The following GAPVD1 variants were observed in gnomAD, a reference collection of about 807,000 sequenced individuals.
GAPVD1 encodes the protein GTPase activating protein and VPS9 domains 1, also known as GTPase-activating protein and VPS9 domain-containing protein 1.
Under a neutral mutation model 155.5 loss-of-function variants are expected in GAPVD1, and 35 were observed. The observed-to-expected ratio is 0.23, with a 90% CI of 0.17 to 0.30. GAPVD1 has a LOEUF of 0.30. Ranked by LOEUF, GAPVD1 falls within the 10% of genes least tolerant of loss-of-function variation. The pLI is 1.00. For synonymous variants in GAPVD1, 636 were observed against 619.7 expected, an observed-to-expected ratio of 1.03 and a Z score of -0.39; for missense variants, 1,429 against 1,775.7, an observed-to-expected ratio of 0.80 and a Z score of 3.51.
chr9:125,301,529 A>G (rs1237718051), intron 4 of GAPVD1, among the ~76,000 whole-genome samples: 1 of 151,112 alleles, frequency 6.6e-6, no homozygotes, highest in Admixed American at 6.6e-5. Context: ...GCTCACTGCA[A>G]CCTCTACCTT....
chr9:125,320,245 T>C lies in GAPVD1; in HGVS notation c.1603-1188T>C, dbSNP rs552959883. ...AGTCCAAGGTGTACCTAAAACATGC[T>C]ATGTGACTTTCAACAAAGCACTTAA... On this transcript the variant is annotated intron_variant, in intron 9 of 27. Coordinates refer to ENST00000297933, the MANE Select transcript of GAPVD1 (RefSeq NM_001282680.3). 1.6e-3 allele frequency among the ~76,000 whole-genome samples: 247 copies of C among 152,342 alleles called. 1 individual carries two copies. Among genetic ancestry groups the C allele is most frequent in the African/African-American group, 5.7e-3 (239 of 41,580 alleles).
Position 125,362,849 on chromosome 9 carries a change from A to G in GAPVD1, c.*103A>G, listed in dbSNP as rs1851131395. Reference sequence around the variant, plus strand: ...AAGGCTGAAGATTGTTTTGTATGATACTGCACAGCATCAGGCATTTTAAAG... The same window carrying G: ...AAGGCTGAAGATTGTTTTGTATGATGCTGCACAGCATCAGGCATTTTAAAG... On this transcript the variant is annotated 3_prime_UTR_variant, in exon 28 of 28. Transcript: ENST00000297933. 8.4e-6 allele frequency: 8 copies of G among 957,944 alleles called. No individual in the cohort carries two copies. The highest frequency in any genetic ancestry group is 1.6e-5 in the African/African-American group (1 of 61,180). The allele number at this position is 957,944 out of a possible 1,614,324, so 59.3% of individuals were successfully genotyped here. A position where few individuals can be genotyped will look rare whatever the true frequency, so the allele number is the denominator to read the frequency against.
intron 2 of GAPVD1, among the ~76,000 whole-genome samples, chr9:125,272,849 G>A (rs1416343127): frequency 6.6e-6 from 1 of 152,134 alleles, no homozygotes; most frequent in Non-Finnish European, 1.5e-5. Context: ...AATTTTGAGG[G>A]TGGACTCTTG....
intron 3 of GAPVD1, among the ~76,000 whole-genome samples, chr9:125,296,489 G>A (rs1288580257): frequency 6.7e-6 from 1 of 149,772 alleles, no homozygotes; most frequent in Non-Finnish European, 1.5e-5. Context: ...TGAGTAACTG[G>A]GATTACAGGC....
intron 8 of GAPVD1, among the ~76,000 whole-genome samples, chr9:125,309,550 G>A (rs1842350540): frequency 6.6e-6 from 1 of 152,120 alleles, no homozygotes; most frequent in African/African-American, 2.4e-5. Flanking sequence ...GGCCAGGCTG[G>A]TCTTGAACTC....
Position 125,326,605 on chromosome 9 carries a change from T to A in GAPVD1, c.2032+16T>A. ...GAAATTGCAGGTAACTGCCATTTAA[T>A]GTCTCTGAAATATCACGGTTTAGTT... On this transcript the variant is annotated intron_variant, in intron 12 of 27. Coordinates refer to ENST00000297933, the MANE Select transcript of GAPVD1 (RefSeq NM_001282680.3). The A allele has an allele frequency of 6.3e-7, 1 of 1,580,468 alleles. No individual in the cohort carries two copies. The highest frequency in any genetic ancestry group is 8.7e-7 in the Non-Finnish European group (1 of 1,149,948).
In GAPVD1 at chr9:125,328,615, G is replaced by C. The variant is rs1207897274; in HGVS notation, c.2033-1463G>C. Reference sequence around the variant, plus strand: ...ATGTCTACTTCTTTCTACACAGACAGGGCAACCATCCGATTTCTCAATCTT... The same window carrying C: ...ATGTCTACTTCTTTCTACACAGACACGGCAACCATCCGATTTCTCAATCTT... On this transcript the variant is annotated intron_variant, in intron 12 of 27. Transcript: ENST00000297933. Among the ~76,000 whole-genome samples, 74 of 146,650 alleles carry C rather than the reference G, an allele frequency of 5.0e-4. No homozygotes were observed. The East Asian group carries it at 8.1e-3, about 16-fold the overall frequency.
intron 2 of GAPVD1, among the ~76,000 whole-genome samples, chr9:125,274,455 G>A (rs116322237): frequency 0.025 from 3,692 of 150,074 alleles, 152 homozygotes; most frequent in African/African-American, 0.084. Context: ...TATAATAAGC[G>A]CTTTGTACTT....
chr9:125,360,216 G>A (rs1398181854), intron 26 of GAPVD1, among the ~76,000 whole-genome samples: 2 of 152,208 alleles, frequency 1.3e-5, no homozygotes, highest in African/African-American at 2.4e-5. Flanking sequence ...TAAATGTAGA[G>A]AAGTTCCATT....
At chr9:125,331,830 A>G (rs1846129024) in intron 13 of GAPVD1, 96 bp from the exon 14 acceptor site, 3 of 1,077,176 alleles carry the variant, frequency 2.8e-6, no homozygotes, top group African/African-American at 3.1e-5. Context: ...GATTTTATTC[A>G]TGCCCTGGTA....
Position 125,302,553 on chromosome 9 carries a change from G to T in GAPVD1, c.756G>T (p.Glu252Asp). The change falls in exon 5 of 28, where the codon GAG (glutamate) becomes GAT (aspartate). Residue 252 changes from glutamate (E) to aspartate (D), a missense_variant. Physicochemically the swap from Glu to Asp is conservative, Grantham distance 45. This residue lies in a region of GAPVD1 where 628 missense variants were observed against 733.4 expected (regional missense o/e 0.86). Coordinates refer to ENST00000297933, the MANE Select transcript of GAPVD1 (RefSeq NM_001282680.3). ...GGCAAAAAGTTCAAGAAATGGTGGA[G>T]TCCAATGAAGCAAAGCTAGTGGCTT... ...RFRQKVQEMV[E>D]SNEAKLVALV... 1 of 1,613,804 alleles carries T rather than the reference G, an allele frequency of 6.2e-7. No homozygotes were observed. Among genetic ancestry groups the T allele is most frequent in the South Asian group, 1.1e-5 (1 of 91,080 alleles).
intron 2 of GAPVD1, among the ~76,000 whole-genome samples, chr9:125,272,757 A>G (rs1479217160): frequency 6.6e-6 from 1 of 152,182 alleles, no homozygotes; most frequent in Non-Finnish European, 1.5e-5. Context: ...GGAGTTTGAT[A>G]ATGAATATGT....
Position 125,302,697 on chromosome 9 carries a change from G to A in GAPVD1, c.900G>A (p.Gly300=). ...TLSCVDRLEV[G]EVRAMCTDLL... is the part of the protein sequence containing the mutation. Reference sequence around the variant, plus strand: ...CCTGTGTAGATAGGCTGGAAGTTGGGGAGGTCAGGGCAATGTGTACTGATC... The same window carrying A: ...CCTGTGTAGATAGGCTGGAAGTTGGAGAGGTCAGGGCAATGTGTACTGATC... The change falls in exon 5 of 28, where the codon GGG becomes GGA. Residue 300 remains glycine (G), a synonymous_variant. Transcript: ENST00000297933. 1.9e-6 allele frequency: 3 copies of A among 1,612,584 alleles called. No homozygotes were observed. The highest frequency in any genetic ancestry group is 2.5e-6 in the Non-Finnish European group (3 of 1,179,450).
chr9:125,336,490 A>G (rs967310935), intron 15 of GAPVD1, among the ~76,000 whole-genome samples: 4 of 152,046 alleles, frequency 2.6e-5, no homozygotes, highest in African/African-American at 9.7e-5. Flanking sequence ...TATGTTTATA[A>G]TTTATTTATT....
intron 17 of GAPVD1, among the ~76,000 whole-genome samples, chr9:125,339,175 A>G (rs1189457514): frequency 1.3e-5 from 2 of 151,982 alleles, no homozygotes; most frequent in Non-Finnish European, 2.9e-5. Flanking sequence ...TTTTGTAGAG[A>G]TGGGGACTCA....
intron 6 of GAPVD1, among the ~76,000 whole-genome samples, chr9:125,306,456 T>C (rs867069832): frequency 1.8e-4 from 27 of 152,178 alleles, no homozygotes; most frequent in Non-Finnish European, 3.2e-4. Context: ...AGTAGCACAA[T>C]GTGTATACTG....
chr9:125,294,020 C>A (rs1839419074), intron 2 of GAPVD1, among the ~76,000 whole-genome samples: 2 of 150,198 alleles, frequency 1.3e-5, no homozygotes, highest in Non-Finnish European at 3.0e-5. Context: ...TCAAGCGATT[C>A]TTCTGCCCTA....
intron 2 of GAPVD1, among the ~76,000 whole-genome samples, chr9:125,273,740 G>A (rs1380320031): frequency 6.6e-6 from 1 of 151,762 alleles, no homozygotes; most frequent in East Asian, 1.9e-4. Context: ...CCCACAACTT[G>A]TACCAGCATC....
chr9:125,311,616 C>T (rs1588868452), intron 8 of GAPVD1, among the ~76,000 whole-genome samples: 1 of 152,168 alleles, frequency 6.6e-6, no homozygotes, highest in African/African-American at 2.4e-5. Context: ...AGTGAAACTC[C>T]GTCTCAAAAA....
Sources: gnomAD v4.1 joint callset for allele counts (sites outside exome capture counted in the v4.1 genomes callset) on GRCh38, gnomAD v4.1.1 for gene constraint, gnomAD v4.1.1 regional missense constraint, MANE v1.5 for transcripts, NCBI Gene and HGNC (gene_info 2026-07-23, HGNC 2026-07-21) for gene names.